The following PRDM16 variants were observed in gnomAD, a reference collection of about 807,000 sequenced individuals.
PRDM16 encodes PR/SET domain 16, also known as histone-lysine N-methyltransferase PRDM16.
A neutral mutation model predicts 110.6 loss-of-function variants in PRDM16; 23 were observed. The observed-to-expected ratio is 0.21, with a 90% CI of 0.15 to 0.29. The LOEUF (loss-of-function observed/expected upper bound fraction) is 0.29. Ranked by LOEUF, PRDM16 falls within the 10% of genes least tolerant of loss-of-function variation. The pLI, the probability that PRDM16 is intolerant of heterozygous loss-of-function variation, is 1.00. For synonymous variants in PRDM16, 799 were observed against 781.8 expected (o/e 1.02, Z -0.37); for missense variants, 1,615 against 1,794.3 (o/e 0.90, Z 1.81).
chr1:3,398,810 T>C (rs1643424535), intron 5 of PRDM16, among the ~76,000 whole-genome samples: 1 of 152,234 alleles, frequency 6.6e-6, no homozygotes, highest in African/African-American at 2.4e-5. Flanking sequence ...CACGCACCCC[T>C]GCCAGATGAA....
chr1:3,251,132 C>A (rs1407660385), intron 3 of PRDM16, among the ~76,000 whole-genome samples: 2 of 152,244 alleles, frequency 1.3e-5, no homozygotes, highest in Non-Finnish European at 2.9e-5. Flanking sequence ...GGTCTTCTTA[C>A]CTTGGAGACC....
intron 1 of PRDM16, among the ~76,000 whole-genome samples, chr1:3,084,006 G>T (rs560342648): frequency 6.6e-6 from 1 of 152,252 alleles, no homozygotes; most frequent in Non-Finnish European, 1.5e-5. Flanking sequence ...AAGAGAACAG[G>T]ACCCTTGTTC....
Position 3,336,679 on chromosome 1 carries a change from T to C in PRDM16, c.439-48473T>C, listed in dbSNP as rs113197747. 1.2e-4 allele frequency among the ~76,000 whole-genome samples: 8 copies of C among 67,570 alleles called. No individual in the cohort carries two copies. The South Asian group carries it at 2.3e-3, about 19-fold the overall frequency. 44.3% of individuals were successfully genotyped at this position (67,570 alleles called of 152,430 possible). Reference sequence around the variant, plus strand: ...GTGTATGTGTGCACATTCACACACATATGTGTTTTTGTGAATCTGTGAGCA... The same window carrying C: ...GTGTATGTGTGCACATTCACACACACATGTGTTTTTGTGAATCTGTGAGCA... On this transcript the variant is annotated intron_variant, in intron 3 of 16. Transcript: ENST00000270722.
chr1:3,142,783 G>T (rs1469492064), intron 1 of PRDM16, among the ~76,000 whole-genome samples: 1 of 152,190 alleles, frequency 6.6e-6, no homozygotes, highest in African/African-American at 2.4e-5. Context: ...GCTGTGAGGG[G>T]AGGCATCTGG....
intron 1 of PRDM16, among the ~76,000 whole-genome samples, chr1:3,112,474 G>T (rs1642818183): frequency 6.6e-6 from 1 of 152,250 alleles, no homozygotes; most frequent in African/African-American, 2.4e-5. Context: ...TGGGGTGCGG[G>T]AGGCAGTTTG....
Position 3,328,441 on chromosome 1 carries a change from C to A in PRDM16, c.439-56711C>A, listed in dbSNP as rs181453345. 3.3e-5 allele frequency among the ~76,000 whole-genome samples: 5 copies of A among 152,266 alleles called. No individual in the cohort carries two copies. In the East Asian group the frequency reaches 9.7e-4, roughly 30 times the overall value. Reference sequence around the variant, plus strand: ...CTGTGTCAGCCTTCCTGGGGGAGGTCTAGCAGCATGCGCGGAGCTTTCGTC... The same window carrying A: ...CTGTGTCAGCCTTCCTGGGGGAGGTATAGCAGCATGCGCGGAGCTTTCGTC... On this transcript the variant is annotated intron_variant, in intron 3 of 16. Transcript: ENST00000270722.
chr1:3,301,499 C>A (rs1428007224), intron 3 of PRDM16, among the ~76,000 whole-genome samples: 4 of 152,184 alleles, frequency 2.6e-5, no homozygotes, highest in Admixed American at 1.3e-4. Flanking sequence ...CTTTATTAAA[C>A]CCTTGGTTGT....
At chr1:3,226,818 C>T (rs920191312) in intron 2 of PRDM16, among the ~76,000 whole-genome samples, 2 of 152,164 alleles carry the variant, frequency 1.3e-5, no homozygotes, top group Non-Finnish European at 2.9e-5. Context: ...GGAATGAGAA[C>T]GGTGTCGGCT....
Position 3,412,352 on chromosome 1 carries a change from CTCCCCTACCACTCGGCGT to C in PRDM16, c.2162_2179del (p.Tyr721_Pro726del), listed in dbSNP as rs747246184. On this transcript the variant is annotated inframe_deletion, in exon 9 of 17. Coordinates refer to ENST00000270722, the MANE Select transcript of PRDM16 (RefSeq NM_022114.4). ...GATGCAGGAGAAGAAGCTGGGCTCG[CTCCCCTACCACTCGGCGT>C]TCCCCTTCCAGTTCCTGCCCAACTT... 3 of 1,613,590 alleles carry C rather than the reference CTCCCCTACCACTCGGCGT, an allele frequency of 1.9e-6. No individual in the cohort carries two copies. In the South Asian group the frequency reaches 3.3e-5, roughly 18 times the overall value.
intron 3 of PRDM16, among the ~76,000 whole-genome samples, chr1:3,280,235 C>G (rs1401264668): frequency 1.3e-5 from 2 of 152,124 alleles, no homozygotes; most frequent in Non-Finnish European, 2.9e-5. Context: ...TCTGTGTGTT[C>G]GTGTGTTGGT....
chr1:3,433,951 C>T lies in PRDM16; in HGVS notation c.*140C>T. 1.2e-6 allele frequency: 1 copy of T among 844,858 alleles called. No individual in the cohort carries two copies. The highest frequency in any genetic ancestry group is 1.8e-5 in the South Asian group (1 of 56,468). 52.3% of individuals were successfully genotyped at this position (844,858 alleles called of 1,614,324 possible). ...CCCCACCCACCATGGTTCATTCCGA[C>T]TTTTCCAATGGAAACTCAGATCCCA... On this transcript the variant is annotated 3_prime_UTR_variant, in exon 17 of 17. Transcript: ENST00000270722.
In PRDM16 at chr1:3,396,562, C is replaced by T. The variant is rs765898741; in HGVS notation, c.645C>T (p.Tyr215=). Reference sequence around the variant, plus strand: ...TGGTGCACGTGAAGGAAGGCGTCTACCCCCTGGGCACAGTGCCGCCCGGCC... The same window carrying T: ...TGGTGCACGTGAAGGAAGGCGTCTATCCCCTGGGCACAGTGCCGCCCGGCC... ...ELLVHVKEGV[Y]PLGTVPPGLD... The change falls in exon 5 of 17, where the codon TAC becomes TAT. Residue 215 remains tyrosine (Y), a synonymous_variant. Transcript: ENST00000270722. The T allele has an allele frequency of 1.1e-5, 17 of 1,602,800 alleles. No homozygotes were observed. The highest frequency in any genetic ancestry group is 9.4e-6 in the Non-Finnish European group (11 of 1,174,192).
Position 3,209,972 on chromosome 1 carries a change from A to G in PRDM16, c.387+23498A>G, listed in dbSNP as rs1013758056. On this transcript the variant is annotated intron_variant, in intron 2 of 16. Coordinates refer to ENST00000270722, the MANE Select transcript of PRDM16 (RefSeq NM_022114.4). This position sits in a 1 kb window ranked among gnomAD's most constrained non-coding sequence, Gnocchi z 4.6. ...GAAAATATCGTAGCATTTTCTAGAG[A>G]CATTTGCAGGAAGGTATTTGACACA... Among the ~76,000 whole-genome samples the G allele has an allele frequency of 4.6e-5, 7 of 152,318 alleles. No homozygotes were observed. The highest frequency in any genetic ancestry group is 8.8e-5 in the Non-Finnish European group (6 of 68,016).
rs1408584962 is a variant in PRDM16 at position 3,069,378 on chromosome 1, G to C, written c.37+82G>C. On this transcript the variant is annotated intron_variant, in intron 1 of 16. Coordinates refer to ENST00000270722, the MANE Select transcript of PRDM16 (RefSeq NM_022114.4). The surrounding 1 kb of genome is among the most constrained non-coding windows in gnomAD (Gnocchi z 6.1). Reference sequence around the variant, plus strand: ...GGCGCCCGGGCCAGGGGTGCGCGTCGGGGCGCGGCCGGCGCGCCTGCGGCT... The same window carrying C: ...GGCGCCCGGGCCAGGGGTGCGCGTCCGGGCGCGGCCGGCGCGCCTGCGGCT... 3 of 504,668 alleles carry C rather than the reference G, an allele frequency of 5.9e-6. No individual in the cohort carries two copies. The highest frequency in any genetic ancestry group is 2.1e-5 in the African/African-American group (1 of 46,630). 31.3% of individuals were successfully genotyped at this position (504,668 alleles called of 1,614,324 possible). A position where few individuals can be genotyped will look rare whatever the true frequency, so the allele number is the denominator to read the frequency against.
intron 8 of PRDM16, among the ~76,000 whole-genome samples, chr1:3,410,832 G>C (rs572939380): frequency 6.6e-6 from 1 of 152,124 alleles, no homozygotes; most frequent in African/African-American, 2.4e-5. Context: ...ACATGCATTC[G>C]CTTTCCCCGT....
intron 3 of PRDM16, among the ~76,000 whole-genome samples, chr1:3,277,814 C>T (rs369231384): frequency 1.3e-5 from 2 of 152,232 alleles, no homozygotes; most frequent in East Asian, 3.9e-4. Context: ...GTTGTGAACA[C>T]GAGCATATGC....
intron 3 of PRDM16, among the ~76,000 whole-genome samples, chr1:3,261,660 T>C (rs893761114): frequency 6.6e-6 from 1 of 152,092 alleles, no homozygotes; most frequent in Non-Finnish European, 1.5e-5. Flanking sequence ...CCTAACTGGG[T>C]TCCTGGGGGA....
intron 1 of PRDM16, among the ~76,000 whole-genome samples, chr1:3,163,231 A>G (rs1213910003): frequency 8.4e-5 from 2 of 23,694 alleles, no homozygotes; most frequent in Non-Finnish European, 1.4e-4. Flanking sequence ...ATGTGCGCAG[A>G]AGCCCCTGGC....
At chr1:3,271,462 T>G (rs956449799) in intron 3 of PRDM16, among the ~76,000 whole-genome samples, 1 of 152,160 alleles carries the variant, frequency 6.6e-6, no homozygotes, top group African/African-American at 2.4e-5. Context: ...AAGAAAATGG[T>G]AGCCCTTAGG....
Sources: gnomAD v4.1 joint callset for allele counts (sites outside exome capture counted in the v4.1 genomes callset) on GRCh38, gnomAD v4.1.1 for gene constraint, Gnocchi (gnomAD v3.1) non-coding constraint, MANE v1.5 for transcripts, NCBI Gene and HGNC (gene_info 2026-07-23, HGNC 2026-07-21) for gene names.